CNTN4: variants seen among roughly 807,000 people sequenced by gnomAD.
CNTN4 encodes contactin 4, also known as contactin-4.
Under a neutral mutation model 122.5 loss-of-function variants are expected in CNTN4, and 77 were observed. That is an observed-to-expected ratio of 0.63 (90% CI 0.52 to 0.76). CNTN4 has a LOEUF of 0.76. Among genes scored for constraint, CNTN4 ranks in the 30% least tolerant of loss-of-function variants. The pLI is 0.00. For missense variants in CNTN4, 1,256 were observed against 1,259.1 expected, an observed-to-expected ratio of 1.00 and a Z score of 0.04; for synonymous variants, 512 against 447.0, an observed-to-expected ratio of 1.15 and a Z score of -1.83.
chr3:2,437,249 A>T (rs927996552), intron 3 of CNTN4, among the ~76,000 whole-genome samples: 1 of 152,150 alleles, frequency 6.6e-6, no homozygotes, highest in East Asian at 1.9e-4. Context: ...TTTAGTTGAC[A>T]CTTTCATAGG....
intron 4 of CNTN4, among the ~76,000 whole-genome samples, chr3:2,629,297 T>G (rs113888256): frequency 8.5e-5 from 13 of 152,188 alleles, no homozygotes; most frequent in Admixed American, 3.3e-4. Context: ...GGCACCTCAG[T>G]CTTGGACTTA....
At chr3:2,879,803 C>T (rs762172108) in intron 8 of CNTN4, among the ~76,000 whole-genome samples, 1 of 151,974 alleles carries the variant, frequency 6.6e-6, no homozygotes, top group Non-Finnish European at 1.5e-5. Context: ...CTGCTAAAAA[C>T]CATTGGATTG....
intron 7 of CNTN4, 87 bp downstream of exon 7, chr3:2,819,668 C>G (rs892642833): frequency 5.0e-6 from 5 of 995,804 alleles, no homozygotes; most frequent in Non-Finnish European, 8.0e-6. Context: ...CAGCTGAGTG[C>G]ACAGTGTCAT....
chr3:2,161,349 C>A (rs1411570666), intron 2 of CNTN4, among the ~76,000 whole-genome samples: 1 of 151,900 alleles, frequency 6.6e-6, no homozygotes, highest in East Asian at 1.9e-4. Context: ...ATATCATCAC[C>A]AGATCTTTTA....
chr3:2,201,002 A>T (rs2038071655), intron 2 of CNTN4, among the ~76,000 whole-genome samples: 1 of 152,190 alleles, frequency 6.6e-6, no homozygotes, highest in African/African-American at 2.4e-5. Context: ...GGGTGGGTGA[A>T]TGTGAGACTT....
chr3:2,869,361 G>A (rs986011084), intron 8 of CNTN4, among the ~76,000 whole-genome samples: 1 of 152,056 alleles, frequency 6.6e-6, no homozygotes, highest in Non-Finnish European at 1.5e-5. Context: ...GAGAGAAATG[G>A]ATTCAGGATA....
intron 2 of CNTN4, among the ~76,000 whole-genome samples, chr3:2,265,283 A>C (rs1411069313): frequency 6.6e-6 from 1 of 152,006 alleles, no homozygotes; most frequent in Admixed American, 6.6e-5. Flanking sequence ...GGCTGGTTCC[A>C]TATTTTTGCA....
intron 8 of CNTN4, 100 bp downstream of exon 8, chr3:2,867,049 T>C: frequency 9.2e-7 from 1 of 1,090,218 alleles, no homozygotes; most frequent in Non-Finnish European, 1.4e-6. Context: ...TTGTCTAAAT[T>C]AAATGTAAGA....
intron 3 of CNTN4, among the ~76,000 whole-genome samples, chr3:2,462,742 A>G (rs1158555354): frequency 6.6e-6 from 1 of 152,180 alleles, no homozygotes; most frequent in East Asian, 1.9e-4. Context: ...AAAATCTTCA[A>G]CTGTGTGAAT....
intron 2 of CNTN4, among the ~76,000 whole-genome samples, chr3:2,295,138 A>AT (rs1673013829): frequency 6.8e-6 from 1 of 147,646 alleles, no homozygotes; most frequent in South Asian, 2.1e-4. Flanking sequence ...CAATAAACAT[A>AT]CATGGGCTTG....
At chr3:2,482,782 C>A (rs1475765872) in intron 3 of CNTN4, among the ~76,000 whole-genome samples, 1 of 152,170 alleles carries the variant, frequency 6.6e-6, no homozygotes, top group Non-Finnish European at 1.5e-5. Flanking sequence ...TCTGTATACA[C>A]AGAAGTCAAG....
At chr3:2,629,128 G>C (rs575263683) in intron 4 of CNTN4, among the ~76,000 whole-genome samples, 1 of 152,122 alleles carries the variant, frequency 6.6e-6, no homozygotes, top group African/African-American at 2.4e-5. Flanking sequence ...TGACTATGAG[G>C]TCATAAGGGT....
chr3:3,018,124 T>TAATC (rs140030470), intron 14 of CNTN4, among the ~76,000 whole-genome samples: 5,667 of 152,246 alleles, frequency 0.037, 334 homozygotes, highest in African/African-American at 0.13. Context: ...ATTATAAAAT[T>TAATC]AATGTTTCTC....
intron 3 of CNTN4, among the ~76,000 whole-genome samples, chr3:2,451,879 C>T (rs2048842873): frequency 6.6e-6 from 1 of 152,040 alleles, no homozygotes; most frequent in Non-Finnish European, 1.5e-5. Context: ...TAAATTTTAA[C>T]CCATTTATCT....
intron 4 of CNTN4, among the ~76,000 whole-genome samples, chr3:2,628,500 A>G (rs1349737512): frequency 6.6e-6 from 1 of 152,198 alleles, no homozygotes; most frequent in African/African-American, 2.4e-5. Context: ...AATGCAGTGG[A>G]TATCTGATGC....
intron 2 of CNTN4, among the ~76,000 whole-genome samples, chr3:2,283,826 C>G (rs2041810679): frequency 6.6e-6 from 1 of 152,104 alleles, no homozygotes; most frequent in Non-Finnish European, 1.5e-5. Context: ...TTTCCTCCAA[C>G]TTCTGCATTT....
At chr3:2,742,983 C>T (rs918546279) in intron 5 of CNTN4, among the ~76,000 whole-genome samples, 5 of 152,076 alleles carry the variant, frequency 3.3e-5, no homozygotes, top group Non-Finnish European at 7.4e-5. Context: ...AATCCCTTTT[C>T]GTTTGCTATT....
chr3:3,019,150 G>A (rs1310582618), intron 14 of CNTN4, among the ~76,000 whole-genome samples: 2 of 152,112 alleles, frequency 1.3e-5, no homozygotes, highest in Admixed American at 1.3e-4. Context: ...TAGCAATGGA[G>A]AATCACCGTT....
rs578052947 is a variant in CNTN4, at chr3:3,044,256, G to T, written c.2811+552G>T. 2.8e-4 allele frequency among the ~76,000 whole-genome samples: 42 copies of T among 152,298 alleles called. No individual in the cohort carries two copies. The East Asian group carries it at 7.7e-3, about 28-fold the overall frequency. Reference sequence around the variant, plus strand: ...AGCCTTCTTGCAGCAATCAAAAAGGGTTATAAATATCTTGCAACGTTTCCA... The same window carrying T: ...AGCCTTCTTGCAGCAATCAAAAAGGTTTATAAATATCTTGCAACGTTTCCA... On this transcript the variant is annotated intron_variant, in intron 23 of 24. Transcript: ENST00000418658.
Sources: allele counts gnomAD v4.1 joint callset (sites outside exome capture counted in the v4.1 genomes callset), GRCh38; gene constraint gnomAD v4.1.1; transcripts MANE v1.5; gene names NCBI Gene and HGNC (gene_info 2026-07-23, HGNC 2026-07-21).